The following CDKAL1 variants were observed in gnomAD, a reference collection of about 807,000 sequenced individuals.
The protein encoded by CDKAL1 is threonylcarbamoyladenosine tRNA methylthiotransferase.
Under a neutral mutation model 68.2 loss-of-function variants are expected in CDKAL1, and 32 were observed. The observed-to-expected ratio is 0.47, with a 90% CI of 0.35 to 0.63. CDKAL1 has a LOEUF of 0.63. Among genes scored for constraint, CDKAL1 ranks in the 30% least tolerant of loss-of-function variants. CDKAL1 has a pLI of 0.00. For missense variants in CDKAL1, 606 were observed against 696.7 expected (o/e 0.87, Z 1.47); for synonymous variants, 234 against 244.3 (o/e 0.96, Z 0.39).
intron 8 of CDKAL1, among the ~76,000 whole-genome samples, chr6:20,806,899 G>T (rs6905567): frequency 6.6e-6 from 1 of 152,004 alleles, no homozygotes; most frequent in Non-Finnish European, 1.5e-5. Context: ...CAGCTGATAC[G>T]GTAAAAATAT....
At chr6:21,039,342 C>T (rs1769780662) in intron 11 of CDKAL1, among the ~76,000 whole-genome samples, 1 of 152,134 alleles carries the variant, frequency 6.6e-6, no homozygotes, top group African/African-American at 2.4e-5. Context: ...GAGACCGATT[C>T]CTGGTGCTAA....
chr6:20,543,321 G>A (rs939599432), intron 2 of CDKAL1, among the ~76,000 whole-genome samples: 9 of 152,128 alleles, frequency 5.9e-5, no homozygotes, highest in South Asian at 2.1e-4. Flanking sequence ...CATCCTTGCC[G>A]GTGTTTGGTG....
At chr6:20,806,013 G>C (rs1383439739) in intron 8 of CDKAL1, among the ~76,000 whole-genome samples, 1 of 152,070 alleles carries the variant, frequency 6.6e-6, no homozygotes, top group East Asian at 1.9e-4. Flanking sequence ...TCAACTTTTA[G>C]GTTCAGCAAT....
intron 8 of CDKAL1, among the ~76,000 whole-genome samples, 183 bp downstream of exon 8, chr6:20,781,448 C>A (rs1165126753): frequency 6.6e-6 from 1 of 152,134 alleles, no homozygotes; most frequent in Non-Finnish European, 1.5e-5. Context: ...CTTATATTTG[C>A]AGCAGGCTTT....
chr6:20,931,537 T>C (rs2150674840), intron 9 of CDKAL1, among the ~76,000 whole-genome samples: 1 of 152,336 alleles, frequency 6.6e-6, no homozygotes, highest in Non-Finnish European at 1.5e-5. Context: ...CGCAATTAAG[T>C]TCTTTCCAAA....
At chr6:21,018,797 T>C (rs953638676) in intron 11 of CDKAL1, among the ~76,000 whole-genome samples, 2 of 152,210 alleles carry the variant, frequency 1.3e-5, no homozygotes, top group Non-Finnish European at 2.9e-5. Flanking sequence ...AGGTAGCTTG[T>C]GACTCTTTTT....
intron 5 of CDKAL1, among the ~76,000 whole-genome samples, chr6:20,729,464 A>G (rs1772806492): frequency 6.6e-6 from 1 of 152,238 alleles, no homozygotes; most frequent in Non-Finnish European, 1.5e-5. Flanking sequence ...AAAATTGGAC[A>G]TAGTTTACAT....
In CDKAL1 at chr6:21,201,217, G is replaced by T; in HGVS notation, c.1491G>T (p.Val497=). The T allele has an allele frequency of 6.2e-7, 1 of 1,613,444 alleles. No homozygotes were observed. The highest frequency in any genetic ancestry group is 8.5e-7 in the Non-Finnish European group (1 of 1,179,476). ...GGCAGCCAGTATCTGATGCCAAAGTGTACACGCCCTCCATCAGCAAACCGC... is the reference window on the plus strand; with the variant it reads ...GGCAGCCAGTATCTGATGCCAAAGTTTACACGCCCTCCATCAGCAAACCGC... ...MKGQPVSDAK[V]YTPSISKPLA... Residue 497 remains valine, a synonymous_variant, in exon 15 of 16, where the codon GTG becomes GTT. Transcript: ENST00000274695.
intron 4 of CDKAL1, among the ~76,000 whole-genome samples, chr6:20,634,604 A>G (rs1236201788): frequency 6.6e-6 from 1 of 152,202 alleles, no homozygotes; most frequent in African/African-American, 2.4e-5. Flanking sequence ...TAGCAGGTGT[A>G]TTTCACATTA....
Position 21,149,145 on chromosome 6 carries a change from C to CG in CDKAL1, c.1299+40682_1299+40683insG, listed in dbSNP as rs1554187842. Among the ~76,000 whole-genome samples, 8 of 146,688 alleles carry CG rather than the reference C, an allele frequency of 5.5e-5. No individual in the cohort carries two copies. In the South Asian group the frequency reaches 6.5e-4, roughly 12 times the overall value. On this transcript the variant is annotated intron_variant, in intron 13 of 15. Transcript: ENST00000274695. ...AGGAAATGTAATTTACTTCAAAAAA[C>CG]TTTTTTTTTTTTGAGACAGTGTCTC... is the stretch of plus-strand genomic sequence containing the variant.
chr6:20,881,945 G>C (rs911721282), intron 9 of CDKAL1, among the ~76,000 whole-genome samples: 1 of 151,968 alleles, frequency 6.6e-6, no homozygotes. Flanking sequence ...CTCTCTTATC[G>C]CTGCAAGTAC....
chr6:21,107,454 G>T (rs1773906344), intron 12 of CDKAL1, among the ~76,000 whole-genome samples: 1 of 151,576 alleles, frequency 6.6e-6, no homozygotes, highest in Non-Finnish European at 1.5e-5. Flanking sequence ...TTGAAATGGA[G>T]TCTCCCTCTG....
At chr6:21,045,307 G>GTT (rs1770162365) in intron 11 of CDKAL1, among the ~76,000 whole-genome samples, 1 of 152,162 alleles carries the variant, frequency 6.6e-6, no homozygotes, top group Non-Finnish European at 1.5e-5. Context: ...CACCGCTATA[G>GTT]TTATCTAAAT....
chr6:20,958,768 A>G (rs1285713495), intron 10 of CDKAL1, among the ~76,000 whole-genome samples: 2 of 152,214 alleles, frequency 1.3e-5, no homozygotes, highest in South Asian at 2.1e-4. Flanking sequence ...TTGTGTTTTT[A>G]GAAGATGCTT....
chr6:20,760,682 G>A (rs1278594220), intron 7 of CDKAL1, among the ~76,000 whole-genome samples: 1 of 152,094 alleles, frequency 6.6e-6, no homozygotes, highest in Non-Finnish European at 1.5e-5. Flanking sequence ...TACCTTAAAT[G>A]TTATTTGATT....
intron 13 of CDKAL1, among the ~76,000 whole-genome samples, chr6:21,160,737 C>T (rs544377866): frequency 3.4e-5 from 5 of 148,226 alleles, no homozygotes; most frequent in South Asian, 2.2e-4. Flanking sequence ...TTCTGGTATA[C>T]GTGTGCAGAA....
intron 10 of CDKAL1, among the ~76,000 whole-genome samples, chr6:20,965,904 A>T (rs921591442): frequency 6.6e-6 from 1 of 152,266 alleles, no homozygotes; most frequent in African/African-American, 2.4e-5. Context: ...GAGAATGGCT[A>T]ACACATAAGG....
chr6:20,599,966 A>G (rs1037451599), intron 4 of CDKAL1, among the ~76,000 whole-genome samples: 1 of 152,182 alleles, frequency 6.6e-6, no homozygotes, highest in Non-Finnish European at 1.5e-5. Flanking sequence ...TTTTCATACT[A>G]GAAATGGTGG....
intron 5 of CDKAL1, among the ~76,000 whole-genome samples, chr6:20,701,264 T>G (rs1217470257): frequency 3.3e-5 from 5 of 151,864 alleles, no homozygotes; most frequent in Admixed American, 2.6e-4. Flanking sequence ...AAGTTGTTTT[T>G]TTTTTTTTTT....
Sources: allele counts gnomAD v4.1 joint callset (sites outside exome capture counted in the v4.1 genomes callset), GRCh38; gene constraint gnomAD v4.1.1; transcripts MANE v1.5; gene names NCBI Gene and HGNC (gene_info 2026-07-23, HGNC 2026-07-21).